RAPGEF2: variants seen among roughly 807,000 people sequenced by gnomAD.
RAPGEF2 encodes the protein PDZ domain containing guanine nucleotide exchange factor (GEF) 1.
Under a neutral mutation model 186.7 loss-of-function variants are expected in RAPGEF2, and 54 were observed. The observed-to-expected ratio is 0.29, with a 90% confidence interval of 0.23 to 0.36. The LOEUF is 0.36. RAPGEF2 is among the 10% of genes least tolerant of loss of function. The probability of loss-of-function intolerance (pLI) is 1.00; values close to 1 mark genes in which losing one functional copy is unlikely to be tolerated. For synonymous variants in RAPGEF2, 712 were observed against 705.9 expected (o/e 1.01, Z -0.14); for missense variants, 1,532 against 2,045.0 (o/e 0.75, Z 4.84).
Position 159,356,034 on chromosome 4 carries a change from A to G in RAPGEF2, c.4833A>G (p.Val1611=), listed in dbSNP as rs1401094013. The G allele has an allele frequency of 6.2e-7, 1 of 1,614,086 alleles. No homozygotes were observed. Among genetic ancestry groups the G allele is most frequent in the Non-Finnish European group, 8.5e-7 (1 of 1,179,996 alleles). ...RSSDTAGPSS[V]QQPHGHPTSS... ...CCGACACAGCTGGGCCTTCATCCGT[A>G]CAGCAGCCACATGGGCATCCCACCA... The change falls in exon 29 of 30, where the codon GTA becomes GTG. Residue 1611 remains valine, a synonymous_variant. Coordinates refer to ENST00000691494, the MANE Select transcript of RAPGEF2 (RefSeq NM_001394067.2).
chr4:159,331,552 T>A lies in RAPGEF2; in HGVS notation c.1575+14T>A. ...CTGGAAAGAGAGGTAATATTTGTGG[T>A]TTTTTTTAAGATCAGCTTAAAGTTC... On this transcript the variant is annotated intron_variant, in intron 14 of 29. Transcript: ENST00000691494. 1.2e-6 allele frequency: 2 copies of A among 1,606,620 alleles called. No individual in the cohort carries two copies. Among genetic ancestry groups the A allele is most frequent in the Non-Finnish European group, 1.7e-6 (2 of 1,175,058 alleles).
chr4:159,355,926 T>C lies in RAPGEF2; in HGVS notation c.4725T>C (p.Phe1575=), dbSNP rs1320478938. The change falls in exon 29 of 30, where the codon TTT becomes TTC. Residue 1575 remains phenylalanine (F), a synonymous_variant. Transcript: ENST00000691494. The stretch of plus-strand genomic sequence containing the variant: ...ACATTGGAATTCCCATTACTGACTT[T>C]CCAGAAGGGCACTCCCATCCAGCCA... ...PGYIGIPITD[F]PEGHSHPARK... is the part of the protein sequence containing the mutation. 1.3e-6 allele frequency: 2 copies of C among 1,586,448 alleles called. No individual in the cohort carries two copies. Among genetic ancestry groups the C allele is most frequent in the African/African-American group, 1.4e-5 (1 of 73,610 alleles).
At chr4:159,330,624 A>G (rs1482456275) in intron 13 of RAPGEF2, 126 bp downstream of exon 13, 3 of 687,670 alleles carry the variant, frequency 4.4e-6, no homozygotes, top group Admixed American at 3.9e-5. Context: ...GTAATTCTGA[A>G]GCAAAAAAAA....
chr4:159,250,150 C>T (rs1579605025), intron 7 of RAPGEF2, among the ~76,000 whole-genome samples: 1 of 151,984 alleles, frequency 6.6e-6, no homozygotes, highest in South Asian at 2.1e-4. Context: ...GATCAGATAT[C>T]CTCCCCCACC....
intron 7 of RAPGEF2, among the ~76,000 whole-genome samples, chr4:159,303,644 T>C (rs1279849079): frequency 1.3e-5 from 2 of 151,976 alleles, no homozygotes; most frequent in Non-Finnish European, 2.9e-5. Flanking sequence ...AAGCGGTTTT[T>C]TTTTTTCTAA....
At chr4:159,280,140 G>A (rs891574114) in intron 7 of RAPGEF2, among the ~76,000 whole-genome samples, 3 of 151,956 alleles carry the variant, frequency 2.0e-5, no homozygotes, top group Non-Finnish European at 4.4e-5. Context: ...TTACTATTTG[G>A]GTGATATGAT....
intron 8 of RAPGEF2, among the ~76,000 whole-genome samples, chr4:159,307,868 G>T (rs1162067585): frequency 6.6e-6 from 1 of 152,172 alleles, no homozygotes; most frequent in East Asian, 1.9e-4. Context: ...CTACTCGGGA[G>T]GCTGAGGCAC....
chr4:159,163,128 T>G (rs1350575008), intron 1 of RAPGEF2, among the ~76,000 whole-genome samples: 1 of 152,216 alleles, frequency 6.6e-6, no homozygotes, highest in Non-Finnish European at 1.5e-5. Flanking sequence ...AGCTAGTAGG[T>G]ATTTATCCTT....
chr4:159,163,307 G>A (rs1374644122), intron 1 of RAPGEF2, among the ~76,000 whole-genome samples: 1 of 152,156 alleles, frequency 6.6e-6, no homozygotes, highest in African/African-American at 2.4e-5. Flanking sequence ...TATCCTGTTA[G>A]TGCCTCACAT....
intron 7 of RAPGEF2, among the ~76,000 whole-genome samples, chr4:159,253,155 A>G (rs1755670334): frequency 6.6e-6 from 1 of 152,214 alleles, no homozygotes; most frequent in Non-Finnish European, 1.5e-5. Flanking sequence ...AGAGTATTTT[A>G]ACAGCTTTCA....
chr4:159,195,753 C>G (rs1462358720), intron 3 of RAPGEF2, among the ~76,000 whole-genome samples: 1 of 152,118 alleles, frequency 6.6e-6, no homozygotes, highest in Non-Finnish European at 1.5e-5. Flanking sequence ...CTGCCCCAAC[C>G]TGTTCTCCTA....
chr4:159,189,417 T>C (rs1747885408), intron 2 of RAPGEF2, among the ~76,000 whole-genome samples: 1 of 152,236 alleles, frequency 6.6e-6, no homozygotes, highest in Non-Finnish European at 1.5e-5. Context: ...ATTTTTCTAA[T>C]GTTTTATCCG....
chr4:159,274,507 G>A (rs929982643), intron 7 of RAPGEF2, among the ~76,000 whole-genome samples: 1 of 152,194 alleles, frequency 6.6e-6, no homozygotes, highest in African/African-American at 2.4e-5. Context: ...ACGTGTGCGT[G>A]TATAAGTGTG....
intron 13 of RAPGEF2, chr4:159,330,753 A>G (rs1462240805): frequency 2.6e-6 from 1 of 380,556 alleles, no homozygotes; most frequent in Non-Finnish European, 4.6e-6. Flanking sequence ...CAAATGTTTA[A>G]ACATTTTTTT....
chr4:159,317,383 G>T (rs1055216270), intron 9 of RAPGEF2, among the ~76,000 whole-genome samples: 1 of 152,160 alleles, frequency 6.6e-6, no homozygotes, highest in Non-Finnish European at 1.5e-5. Context: ...TCCTTGTTCT[G>T]TTGCAGTCTA....
intron 3 of RAPGEF2, among the ~76,000 whole-genome samples, chr4:159,202,823 A>T (rs1749590032): frequency 6.6e-6 from 1 of 151,914 alleles, no homozygotes; most frequent in African/African-American, 2.4e-5. Flanking sequence ...GTAGATCTCA[A>T]ACTCCTGACC....
At chr4:159,322,222 A>T (rs1765321691) in intron 9 of RAPGEF2, 125 bp from the exon 10 acceptor site, 1 of 733,260 alleles carries the variant, frequency 1.4e-6, no homozygotes, top group Admixed American at 2.8e-5. Context: ...AAGATACTTG[A>T]TATGTATTTT....
intron 7 of RAPGEF2, among the ~76,000 whole-genome samples, chr4:159,257,127 C>T (rs1756269095): frequency 2.0e-5 from 3 of 152,022 alleles, no homozygotes; most frequent in Admixed American, 2.0e-4. Context: ...TTTGTGAAAC[C>T]TTTGCTCATG....
chr4:159,267,476 A>G (rs1757560034), intron 7 of RAPGEF2, among the ~76,000 whole-genome samples: 2 of 152,200 alleles, frequency 1.3e-5, no homozygotes, highest in Admixed American at 6.5e-5. Context: ...CATCAGTGTC[A>G]TGCTGCCAAG....
Sources: allele counts gnomAD v4.1 joint callset (sites outside exome capture counted in the v4.1 genomes callset), GRCh38; gene constraint gnomAD v4.1.1; transcripts MANE v1.5; gene names NCBI Gene and HGNC (gene_info 2026-07-23, HGNC 2026-07-21).